PKD2: variants seen among roughly 807,000 people sequenced by gnomAD.
PKD2 encodes polycystin-2.
In PKD2, 48 loss-of-function variants were observed where a neutral mutation model predicts 105.9. The observed-to-expected ratio is 0.45, with a 90% CI of 0.36 to 0.58. The LOEUF (loss-of-function observed/expected upper bound fraction) is 0.58, where lower values mean the gene tolerates loss of function less well. Ranked by LOEUF, PKD2 falls within the 20% of genes least tolerant of loss-of-function variation. PKD2 has a pLI of 0.00. For synonymous variants in PKD2, 464 were observed against 481.1 expected (o/e 0.96, Z 0.46); for missense variants, 1,078 against 1,255.3 (o/e 0.86, Z 2.13).
chr4:88,035,074 C>A (rs924095795), intron 2 of PKD2, among the ~76,000 whole-genome samples: 4 of 152,016 alleles, frequency 2.6e-5, no homozygotes, highest in African/African-American at 4.8e-5. Flanking sequence ...TATTTAGGCA[C>A]CAAAAAATCC....
At chr4:88,042,748 A>C (rs186698389) in intron 4 of PKD2, among the ~76,000 whole-genome samples, 1 of 152,220 alleles carries the variant, frequency 6.6e-6, no homozygotes, top group Non-Finnish European at 1.5e-5. Context: ...TTATATCCCC[A>C]TTAGTGCTGA....
intron 5 of PKD2, among the ~76,000 whole-genome samples, chr4:88,044,515 T>C (rs1727697439): frequency 6.6e-6 from 1 of 152,338 alleles, no homozygotes; most frequent in African/African-American, 2.4e-5. Context: ...AAATCAATTA[T>C]AGATTATCCC....
chr4:88,007,923 G>T lies in PKD2; in HGVS notation c.190G>T (p.Ala64Ser). ...GATGCAGCGCATCCGGCAGGCGGCC[G>T]CGCGGGACCCCCCGGCCGGAGCCGC... ...IEMQRIRQAA[A>S]RDPPAGAAAS... The change falls in exon 1 of 15, where the codon GCG becomes TCG. Residue 64 changes from alanine to serine, a missense_variant. This residue lies in a region of PKD2 where 210 missense variants were observed against 187.9 expected (regional missense o/e 1.12). Transcript: ENST00000237596. The T allele has an allele frequency of 6.9e-7, 1 of 1,442,472 alleles. No individual in the cohort carries two copies. Among genetic ancestry groups the T allele is most frequent in the Non-Finnish European group, 9.1e-7 (1 of 1,093,872 alleles). The allele number at this position is 1,442,472 out of a possible 1,614,324, so 89.4% of individuals were successfully genotyped here. A position where few individuals can be genotyped will look rare whatever the true frequency, so the allele number is the denominator to read the frequency against.
At chr4:88,045,486 A>G (rs1007134998) in intron 5 of PKD2, among the ~76,000 whole-genome samples, 2 of 152,246 alleles carry the variant, frequency 1.3e-5, no homozygotes, top group Non-Finnish European at 2.9e-5. Flanking sequence ...CTCAGGTTCC[A>G]GGTGCGGCTA....
intron 12 of PKD2, 104 bp from the exon 13 acceptor site, chr4:88,067,794 C>G (rs1720850798): frequency 7.5e-6 from 7 of 931,758 alleles, no homozygotes; most frequent in African/African-American, 1.6e-5. Context: ...AAAGAAATCC[C>G]AGGTAAATGG....
At chr4:88,050,850 G>A (rs760968376) in intron 6 of PKD2, among the ~76,000 whole-genome samples, 1 of 152,130 alleles carries the variant, frequency 6.6e-6, no homozygotes, top group Non-Finnish European at 1.5e-5. Flanking sequence ...GGTGAGGTTG[G>A]CTTTTTAGCT....
rs1306796987 is a variant in PKD2 at position 88,074,779 on chromosome 4, A to G, written c.2523-33A>G. 3.1e-6 allele frequency: 5 copies of G among 1,613,086 alleles called. No individual in the cohort carries two copies. In the South Asian group the frequency reaches 5.5e-5, roughly 18 times the overall value. On this transcript the variant is annotated intron_variant, in intron 13 of 14. Coordinates refer to ENST00000237596, the MANE Select transcript of PKD2 (RefSeq NM_000297.4). ...TGGGGCTGAAAAGACAATGACAAGC[A>G]CTTTGTCCCTCTGTACTGTGTTTTC...
At chr4:88,067,162 T>C (rs1720824538) in intron 12 of PKD2, among the ~76,000 whole-genome samples, 3 of 152,176 alleles carry the variant, frequency 2.0e-5, no homozygotes, top group Admixed American at 2.0e-4. Flanking sequence ...ACAAACATGA[T>C]AGTCAAAGGT....
At chr4:88,061,554 G>A (rs1309140623) in intron 9 of PKD2, among the ~76,000 whole-genome samples, 1 of 151,926 alleles carries the variant, frequency 6.6e-6, no homozygotes, top group African/African-American at 2.4e-5. Flanking sequence ...CCTGGCCAAC[G>A]TGGTGAAACA....
rs546162841 is a variant in PKD2 at position 88,074,039 on chromosome 4, TTAAA to T, written c.2523-770_2523-767del. ...ATATTGTAAATCTAATTCTATTTTA[TTAAA>T]TAGTCTGCCACAGTATAATGTCTGA... On this transcript the variant is annotated intron_variant, in intron 13 of 14. Transcript: ENST00000237596. 2.3e-3 allele frequency among the ~76,000 whole-genome samples: 350 copies of T among 152,356 alleles called. 1 individual carries two copies. The highest frequency in any genetic ancestry group is 3.5e-3 in the Non-Finnish European group (235 of 68,028).
At chr4:88,010,962 G>C (rs545190803) in intron 1 of PKD2, among the ~76,000 whole-genome samples, 1 of 152,306 alleles carries the variant, frequency 6.6e-6, no homozygotes, top group Admixed American at 6.5e-5. Context: ...GGAAGGAGTT[G>C]AAAGTTTCTG....
rs191275716 is a variant in PKD2, at chr4:88,034,616, C to T, written c.710-1604C>T. Among the ~76,000 whole-genome samples, 925 of 143,632 alleles carry T rather than the reference C, an allele frequency of 6.4e-3. 14 individuals are homozygous for T. Among genetic ancestry groups the T allele is most frequent in the African/African-American group, 0.023 (882 of 38,478 alleles). The allele number at this position is 143,632 out of a possible 152,430, so 94.2% of individuals were successfully genotyped here. A position where few individuals can be genotyped will look rare whatever the true frequency, so the allele number is the denominator to read the frequency against. On this transcript the variant is annotated intron_variant, in intron 2 of 14. Coordinates refer to ENST00000237596, the MANE Select transcript of PKD2 (RefSeq NM_000297.4). ...CTGGGAGGGGGAGGTTGCAGTGAGC[C>T]GAGATCACTCCATTGCACTCCAGAC...
At chr4:88,019,596 A>G (rs1317082598) in intron 2 of PKD2, 25 bp downstream of exon 2, 1 of 1,235,032 alleles carries the variant, frequency 8.1e-7, no homozygotes, top group Non-Finnish European at 1.2e-6. Context: ...TCCTTGCACT[A>G]ATGGGAAAGT....
chr4:88,018,892 A>G (rs1726651870), intron 1 of PKD2, among the ~76,000 whole-genome samples: 1 of 152,248 alleles, frequency 6.6e-6, no homozygotes, highest in Admixed American at 6.5e-5. Context: ...GAGTTTTTTA[A>G]TAGGACAGCT....
intron 9 of PKD2, 49 bp downstream of exon 9, chr4:88,058,152 CCTTGT>C (rs1219245564): frequency 1.7e-6 from 2 of 1,159,940 alleles, no homozygotes; most frequent in African/African-American, 3.0e-5. Context: ...CTTCGTAAAT[CCTTGT>C]CTTCTCTTTT....
Position 88,007,954 on chromosome 4 carries a change from C to G in PKD2, c.221C>G (p.Ser74Cys). 2 of 1,480,300 alleles carry G rather than the reference C, an allele frequency of 1.4e-6. No individual in the cohort carries two copies. Among genetic ancestry groups the G allele is most frequent in the Non-Finnish European group, 1.8e-6 (2 of 1,116,876 alleles). 91.7% of individuals were successfully genotyped at this position (1,480,300 alleles called of 1,614,324 possible). Residue 74 changes from serine to cysteine, a missense_variant, in exon 1 of 15, where the codon TCC (serine) becomes TGC (cysteine). By Grantham distance (112) the Ser-to-Cys change is moderately radical. Coordinates refer to ENST00000237596, the MANE Select transcript of PKD2 (RefSeq NM_000297.4). ...GACCCCCCGGCCGGAGCCGCGGCCTCCCCTTCTCCTCCGCTCTCGTCGTGC... is the reference window on the plus strand; with the variant it reads ...GACCCCCCGGCCGGAGCCGCGGCCTGCCCTTCTCCTCCGCTCTCGTCGTGC... Reference protein sequence around the residue: ...ARDPPAGAAASPSPPLSSCSR... With the variant: ...ARDPPAGAAACPSPPLSSCSR...
intron 9 of PKD2, among the ~76,000 whole-genome samples, chr4:88,058,422 C>A (rs1173686685): frequency 2.6e-5 from 4 of 152,068 alleles, no homozygotes; most frequent in Non-Finnish European, 5.9e-5. Context: ...AGATCAAGTA[C>A]AAATTTATAA....
chr4:88,008,413 C>T (rs1380158330), intron 1 of PKD2, 85 bp downstream of exon 1: 8 of 1,437,750 alleles, frequency 5.6e-6, no homozygotes, highest in Middle Eastern at 2.5e-4. Flanking sequence ...CGGCAGCTCC[C>T]CGGGCTCCAT....
chr4:88,034,008 C>A (rs1727247465), intron 2 of PKD2, among the ~76,000 whole-genome samples: 1 of 152,212 alleles, frequency 6.6e-6, no homozygotes, highest in Non-Finnish European at 1.5e-5. Flanking sequence ...AACTCCTCTT[C>A]TTGAGTGCAG....
Sources: allele counts gnomAD v4.1 joint callset (sites outside exome capture counted in the v4.1 genomes callset), GRCh38; gene constraint gnomAD v4.1.1; regional missense constraint gnomAD v4.1.1; transcripts MANE v1.5; gene names NCBI Gene and HGNC (gene_info 2026-07-23, HGNC 2026-07-21).